The following LDLRAD4 variants were observed in gnomAD, a reference collection of about 807,000 sequenced individuals.
LDLRAD4 encodes low density lipoprotein receptor class A domain containing 4.
LDLRAD4 carries 5 observed loss-of-function variants against 17.0 expected under a neutral mutation model. The observed-to-expected ratio is 0.29, with a 90% CI of 0.15 to 0.62. LDLRAD4 has a LOEUF of 0.62. Ranked by LOEUF, LDLRAD4 falls within the 20% of genes least tolerant of loss-of-function variation. The pLI, the probability that LDLRAD4 is intolerant of heterozygous loss-of-function variation, is 0.84. For missense variants in LDLRAD4, 340 were observed against 424.7 expected (o/e 0.80, Z 1.75); for synonymous variants, 168 against 171.8 (o/e 0.98, Z 0.17).
Position 13,300,859 on chromosome 18 carries a change from A to AGG in LDLRAD4, c.-383+22672_-383+22673dup, listed in dbSNP as rs2046553692. Among the ~76,000 whole-genome samples, 1 of 152,174 alleles carries AGG rather than the reference A, an allele frequency of 6.6e-6. No homozygotes were observed. Among genetic ancestry groups the AGG allele is most frequent in the African/African-American group, 2.4e-5 (1 of 41,460 alleles). ...GATCAGAGATGGGGTGTGGGAAGGA[A>AGG]GGAAGGGTGGTGAACTGGGAGCCGG... On this transcript the variant is annotated intron_variant, in intron 1 of 5. Transcript: ENST00000359446. This position sits in a 1 kb window ranked among gnomAD's most constrained non-coding sequence, Gnocchi z 4.2.
intron 1 of LDLRAD4, among the ~76,000 whole-genome samples, chr18:13,384,547 T>C (rs977093441): frequency 6.6e-6 from 1 of 152,230 alleles, no homozygotes; most frequent in Non-Finnish European, 1.5e-5. Flanking sequence ...TTTGTATGTT[T>C]GATCAACATT....
At chr18:13,314,244 A>G (rs983019204) in intron 1 of LDLRAD4, among the ~76,000 whole-genome samples, 4 of 152,206 alleles carry the variant, frequency 2.6e-5, no homozygotes, top group Admixed American at 2.6e-4. Context: ...GGTAAATCAG[A>G]AAGGAGACTT....
chr18:13,325,470 A>G lies in LDLRAD4; in HGVS notation c.-383+47282A>G, dbSNP rs1352755307. On this transcript the variant is annotated intron_variant, in intron 1 of 5. Coordinates refer to ENST00000359446, the Ensembl canonical transcript of LDLRAD4. ...AGCTCCCAGACCCACCTGGCACCAC[A>G]CACACCTCCCCTCGCTGCCCGGCCT... Among the ~76,000 whole-genome samples the G allele has an allele frequency of 3.3e-5, 5 of 152,206 alleles. No individual in the cohort carries two copies. In the South Asian group the frequency reaches 8.3e-4, roughly 25 times the overall value.
intron 3 of LDLRAD4, among the ~76,000 whole-genome samples, chr18:13,531,003 GT>G (rs1009801365): frequency 3.4e-4 from 52 of 152,132 alleles, no homozygotes; most frequent in Non-Finnish European, 6.9e-4. Flanking sequence ...TAACACAGTG[GT>G]TCTCCTTCGT....
intron 3 of LDLRAD4, among the ~76,000 whole-genome samples, chr18:13,527,711 A>G (rs1434732850): frequency 6.6e-6 from 1 of 152,162 alleles, no homozygotes; most frequent in East Asian, 1.9e-4. Context: ...TGTGAGAGCA[A>G]AGGAGGGGAA....
intron 4 of LDLRAD4, chr18:13,642,017 C>T: frequency 5.1e-6 from 5 of 985,404 alleles, no homozygotes; most frequent in Non-Finnish European, 6.0e-6. Flanking sequence ...CCCGCTTCCG[C>T]CCCGCTGGCG....
intron 1 of LDLRAD4, among the ~76,000 whole-genome samples, chr18:13,260,247 C>T (rs768893167): frequency 5.9e-5 from 9 of 152,180 alleles, no homozygotes; most frequent in African/African-American, 1.7e-4. Flanking sequence ...GTGAGCAATG[C>T]GCCCTGTTCT....
At position 13,622,051 on chromosome 18, in the gene LDLRAD4, G is replaced by A. The variant is rs891877802; in HGVS notation, c.336+780G>A. On this transcript the variant is annotated intron_variant, in intron 4 of 5. Transcript: ENST00000359446. This position sits in a 1 kb window ranked among gnomAD's most constrained non-coding sequence, Gnocchi z 5.3. ...ATCCTTGGCTTCCGTGATGGGCAGCGAGGCCGAGTCTCCACAGTGTGGAGC... is the reference window on the plus strand; with the variant it reads ...ATCCTTGGCTTCCGTGATGGGCAGCAAGGCCGAGTCTCCACAGTGTGGAGC... Among the ~76,000 whole-genome samples, 2 of 152,158 alleles carry A rather than the reference G, an allele frequency of 1.3e-5. No individual in the cohort carries two copies. Among genetic ancestry groups the A allele is most frequent in the African/African-American group, 4.8e-5 (2 of 41,422 alleles).
intron 3 of LDLRAD4, 84 bp downstream of exon 4, chr18:13,438,468 G>A (rs2090813078): frequency 3.6e-6 from 4 of 1,114,866 alleles, no homozygotes; most frequent in Non-Finnish European, 5.3e-6. Context: ...ACATGGGAAG[G>A]AGGTTGTTTT....
chr18:13,612,551 C>CA, intron 3 of LDLRAD4: 1 of 1,447,856 alleles, frequency 6.9e-7, no homozygotes, highest in Middle Eastern at 2.4e-4. Context: ...ACACACCCCC[C>CA]CCCCCTCCAC....
intron 1 of LDLRAD4, among the ~76,000 whole-genome samples, chr18:13,356,786 G>A (rs79735532): frequency 1.3e-5 from 2 of 152,130 alleles, no homozygotes; most frequent in East Asian, 3.9e-4. Flanking sequence ...TTTCTTTATG[G>A]CTTTATCATC....
chr18:13,365,788 AT>A (rs776124701), intron 1 of LDLRAD4, among the ~76,000 whole-genome samples: 3 of 152,180 alleles, frequency 2.0e-5, no homozygotes, highest in Non-Finnish European at 2.9e-5. Flanking sequence ...TGATTGATTG[AT>A]TTGAAACAGA....
At chr18:13,552,911 A>G (rs2094449250) in intron 3 of LDLRAD4, among the ~76,000 whole-genome samples, 1 of 152,160 alleles carries the variant, frequency 6.6e-6, no homozygotes. Flanking sequence ...TCCTAGAGTT[A>G]TTATTGGTTA....
chr18:13,247,955 C>CA (rs372189310), intron 1 of LDLRAD4, among the ~76,000 whole-genome samples: 61,921 of 129,984 alleles, frequency 0.48, 14,744 homozygotes, highest in Middle Eastern at 0.57. Flanking sequence ...AGCGCCGCCC[C>CA]CCGCCTTTTT....
chr18:13,565,324 G>A (rs749695262), intron 3 of LDLRAD4, among the ~76,000 whole-genome samples: 3 of 152,190 alleles, frequency 2.0e-5, no homozygotes, highest in Non-Finnish European at 2.9e-5. Flanking sequence ...CCCCTGTGAC[G>A]GGCCTTTGTG....
intron 3 of LDLRAD4, among the ~76,000 whole-genome samples, chr18:13,493,150 T>C (rs2093393461): frequency 6.6e-6 from 1 of 152,168 alleles, no homozygotes. Context: ...CACAATCCTT[T>C]ATCTTCTAAA....
intron 3 of LDLRAD4, chr18:13,462,034 T>TC (rs2092451432): frequency 6.6e-6 from 1 of 152,184 alleles, no homozygotes; most frequent in African/African-American, 2.4e-5. Flanking sequence ...GGCCTTAGGT[T>TC]CCCTTCCTCC....
intron 3 of LDLRAD4, among the ~76,000 whole-genome samples, chr18:13,507,926 G>A (rs2093720009): frequency 6.6e-6 from 1 of 152,138 alleles, no homozygotes; most frequent in South Asian, 2.1e-4. Flanking sequence ...AGGAAGGCAG[G>A]TTGAAAGCCT....
intron 1 of LDLRAD4, among the ~76,000 whole-genome samples, chr18:13,256,866 C>G (rs2043534594): frequency 1.3e-5 from 2 of 152,204 alleles, no homozygotes; most frequent in Non-Finnish European, 2.9e-5. Flanking sequence ...GGAAGGAAAC[C>G]TGTGTTGTTG....
Sources: gnomAD v4.1 joint callset for allele counts (sites outside exome capture counted in the v4.1 genomes callset) on GRCh38, gnomAD v4.1.1 for gene constraint, Gnocchi (gnomAD v3.1) non-coding constraint, MANE v1.5 for transcripts, NCBI Gene and HGNC (gene_info 2026-07-23, HGNC 2026-07-21) for gene names.